CATSPER2: variants seen among roughly 807,000 people sequenced by gnomAD.
CATSPER2 encodes cation channel sperm associated 2.
A neutral mutation model predicts 68.8 loss-of-function variants in CATSPER2; 56 were observed. The ratio of observed to expected loss-of-function variants is 0.81; its 90% confidence interval spans 0.66 to 1.02. The LOEUF is 1.02. CATSPER2 is among the 50% of genes least tolerant of loss of function. The probability of loss-of-function intolerance (pLI) is 0.00; values close to 1 mark genes in which losing one functional copy is unlikely to be tolerated. For synonymous variants in CATSPER2, 198 were observed against 229.9 expected, an observed-to-expected ratio of 0.86 and a Z score of 1.26; for missense variants, 582 against 642.0, an observed-to-expected ratio of 0.91 and a Z score of 1.01.
Position 43,638,292 on chromosome 15 carries a change from T to C in CATSPER2, c.842+612A>G, listed in dbSNP as rs796337537. ...CTTTTCTTTTTCTTTCTTTCTTTTT[T>C]TTTTTTTTTTTTTTTGAGATGGAGT... On this transcript the variant is annotated intron_variant, in intron 7 of 12. Transcript: ENST00000396879. 1.7e-3 allele frequency among the ~76,000 whole-genome samples: 231 copies of C among 133,724 alleles called. 1 individual carries two copies. The highest frequency in any genetic ancestry group is 3.2e-3 in the Admixed American group (44 of 13,762). 87.7% of individuals were successfully genotyped at this position (133,724 alleles called of 152,430 possible).
intron 8 of CATSPER2, 56 bp from the exon 9 acceptor site, chr15:43,635,882 G>A (rs2085955343): frequency 2.0e-6 from 3 of 1,499,342 alleles, no homozygotes; most frequent in Admixed American, 3.5e-5. Flanking sequence ...CTTGGGAAGA[G>A]GGCTTGGGTG....
intron 7 of CATSPER2, among the ~76,000 whole-genome samples, chr15:43,638,175 G>A (rs1265471791): frequency 6.6e-6 from 1 of 150,706 alleles, no homozygotes; most frequent in African/African-American, 2.4e-5. Context: ...GGCTGGTCTC[G>A]AACTCCTGAC....
In CATSPER2 at chr15:43,635,418, T is replaced by C. The variant is rs748672217; in HGVS notation, c.1122-2A>G. The C allele has an allele frequency of 4.4e-6, 7 of 1,603,710 alleles. No homozygotes were observed. Among genetic ancestry groups the C allele is most frequent in the African/African-American group, 2.7e-5 (2 of 73,254 alleles). ...GCTTCATGTGACATGTTTTTTCTCC[T>C]GCAGAGCAAAAAAAAAAAAGAGCAA... On this transcript the variant is annotated splice_acceptor_variant, in intron 9 of 12. Coordinates refer to ENST00000396879, the MANE Select transcript of CATSPER2 (RefSeq NM_172095.4). LOFTEE classifies it high-confidence loss of function.
chr15:43,646,789 A>T (rs1288067121), intron 4 of CATSPER2, among the ~76,000 whole-genome samples: 1 of 148,190 alleles, frequency 6.7e-6, no homozygotes, highest in Non-Finnish European at 1.5e-5. Flanking sequence ...ATCTCGGCTC[A>T]CTGAAACCTA....
At chr15:43,642,314 G>A (rs899673368) in intron 4 of CATSPER2, 1 of 151,826 alleles carries the variant, frequency 6.6e-6, no homozygotes, top group African/African-American at 2.4e-5. Flanking sequence ...TGGCCAGGAT[G>A]GTCTCCATCT....
chr15:43,639,849 C>A (rs749534952), intron 5 of CATSPER2, 51 bp from the exon 6 acceptor site: 6 of 1,606,936 alleles, frequency 3.7e-6, no homozygotes, highest in Admixed American at 3.4e-5. Context: ...GGCACCCAGG[C>A]AGAATTGCAG....
At chr15:43,632,095 T>C in intron 12 of CATSPER2, 104 bp downstream of exon 12, 1 of 1,299,616 alleles carries the variant, frequency 7.7e-7, no homozygotes, top group Non-Finnish European at 1.1e-6. Context: ...AGGCAGAAAT[T>C]GAGAAGCTGA....
intron 4 of CATSPER2, among the ~76,000 whole-genome samples, chr15:43,645,314 C>T (rs1324354309): frequency 6.6e-6 from 1 of 151,804 alleles, no homozygotes; most frequent in Non-Finnish European, 1.5e-5. Flanking sequence ...CCTCAGCCTC[C>T]CAAAGTGCTG....
At chr15:43,643,720 C>A (rs770909428) in intron 4 of CATSPER2, among the ~76,000 whole-genome samples, 2 of 152,000 alleles carry the variant, frequency 1.3e-5, no homozygotes, top group Non-Finnish European at 2.9e-5. Flanking sequence ...TCTATAAATT[C>A]CATTCATTTG....
chr15:43,643,655 G>A (rs1380769453), intron 4 of CATSPER2, among the ~76,000 whole-genome samples: 1 of 151,822 alleles, frequency 6.6e-6, no homozygotes, highest in Non-Finnish European at 1.5e-5. Context: ...ATTTCATGAA[G>A]AGCATTAAGA....
rs141294344 is a variant in CATSPER2 at position 43,647,385 on chromosome 15, C to T, written c.228G>A (p.Gln76=). ...RFSIKPQRIE[Q]ISHAQRLLSR... is the part of the protein sequence containing the mutation. ...TCAACAGCCTCTGGGCATGTGAAAT[C>T]TGTTCTATACGCTGAGGCTTTATAG... is the stretch of plus-strand genomic sequence containing the variant. The change falls in exon 3 of 13, where the codon CAG becomes CAA. Residue 76 remains glutamine, a synonymous_variant. Coordinates refer to ENST00000396879, the MANE Select transcript of CATSPER2 (RefSeq NM_172095.4). 1,352 of 1,613,340 alleles carry T rather than the reference C, an allele frequency of 8.4e-4. 20 individuals carry two copies. The African/African-American group carries it at 0.011, about 13-fold the overall frequency.
At position 43,639,657 on chromosome 15, in the gene CATSPER2, C is replaced by G; in HGVS notation, c.703G>C (p.Val235Leu). The G allele has an allele frequency of 3.1e-6, 5 of 1,612,982 alleles. No individual in the cohort carries two copies. Among genetic ancestry groups the G allele is most frequent in the Non-Finnish European group, 4.2e-6 (5 of 1,179,554 alleles). ...AGTCAAATCACCTTGAGGGCCCTGACCAGGACCAAAATAATAATTTGAATT... is the reference window on the plus strand; with the variant it reads ...AGTCAAATCACCTTGAGGGCCCTGAGCAGGACCAAAATAATAATTTGAATT... Reference protein sequence around the residue: ...RQIQIIILVLVRALKSMTFLL... With the variant: ...RQIQIIILVLLRALKSMTFLL... Residue 235 changes from valine to leucine, a missense_variant, in exon 6 of 13, where the codon GTC becomes CTC. Around this residue, in one of 5 missense-constraint regions of CATSPER2, gnomAD observed 91 missense variants for 72.8 expected, o/e 1.25. Coordinates refer to ENST00000396879, the MANE Select transcript of CATSPER2 (RefSeq NM_172095.4).
intron 4 of CATSPER2, 109 bp downstream of exon 4, chr15:43,646,941 T>C: frequency 1.1e-6 from 1 of 926,480 alleles, no homozygotes; most frequent in Non-Finnish European, 1.8e-6. Flanking sequence ...GGTCTCCAAC[T>C]CCTGAGCTCC....
chr15:43,640,825 C>T (rs2086059288), intron 4 of CATSPER2, among the ~76,000 whole-genome samples: 1 of 151,826 alleles, frequency 6.6e-6, no homozygotes, highest in Admixed American at 6.6e-5. Flanking sequence ...AAACCCCACC[C>T]CCATCTACTG....
intron 10 of CATSPER2, chr15:43,634,900 A>G (rs1439552738): frequency 5.5e-6 from 1 of 181,536 alleles, no homozygotes; most frequent in Non-Finnish European, 1.2e-5. Context: ...AGGTGTTGGC[A>G]GGGCCATATT....
At chr15:43,646,943 C>G in intron 4 of CATSPER2, 107 bp downstream of exon 4, 1 of 949,976 alleles carries the variant, frequency 1.1e-6, no homozygotes, top group Admixed American at 1.7e-5. Flanking sequence ...TCTCCAACTC[C>G]TGAGCTCCGG....
rs757789658 is a variant in CATSPER2 at position 43,639,805 on chromosome 15, A to G, written c.562-7T>C. On this transcript the variant is annotated splice_region_variant and splice_polypyrimidine_tract_variant and intron_variant, in intron 5 of 12. Transcript: ENST00000396879. ...CAACCTCGGGAAGCAGGGACTGTGG[A>G]AAACACACAGGTTATAAGTAAAATA... is the stretch of plus-strand genomic sequence containing the variant. 1 of 1,611,666 alleles carries G rather than the reference A, an allele frequency of 6.2e-7. No individual in the cohort carries two copies. Among genetic ancestry groups the G allele is most frequent in the South Asian group, 1.1e-5 (1 of 90,960 alleles).
At position 43,630,415 on chromosome 15, in the gene CATSPER2, T is replaced by G. The variant is rs964156705; in HGVS notation, c.*286A>C. 2.1e-6 allele frequency: 1 copy of G among 466,984 alleles called. No homozygotes were observed. The highest frequency in any genetic ancestry group is 2.0e-5 in the African/African-American group (1 of 50,064). 28.9% of individuals were successfully genotyped at this position (466,984 alleles called of 1,614,324 possible). A position where few individuals can be genotyped will look rare whatever the true frequency, so the allele number is the denominator to read the frequency against. Reference sequence around the variant, plus strand: ...TGTTGCCCAGGCTGGAGTGCAGTGGTGCAATCTTGGCTCACTGCAACCTCT... The same window carrying G: ...TGTTGCCCAGGCTGGAGTGCAGTGGGGCAATCTTGGCTCACTGCAACCTCT... On this transcript the variant is annotated 3_prime_UTR_variant, in exon 13 of 13. Coordinates refer to ENST00000396879, the MANE Select transcript of CATSPER2 (RefSeq NM_172095.4).
chr15:43,647,656 A>G (rs1460553464), intron 2 of CATSPER2, among the ~76,000 whole-genome samples, 189 bp from the exon 3 acceptor site: 1 of 152,024 alleles, frequency 6.6e-6, no homozygotes, highest in Non-Finnish European at 1.5e-5. Context: ...AACACTGTCC[A>G]TGCCCACAAA....
Sources: allele counts gnomAD v4.1 joint callset (sites outside exome capture counted in the v4.1 genomes callset), GRCh38; gene constraint gnomAD v4.1.1; regional missense constraint gnomAD v4.1.1; transcripts MANE v1.5; gene names NCBI Gene and HGNC (gene_info 2026-07-23, HGNC 2026-07-21).